Variants in PTPRJ observed in about 807,000 individuals in gnomAD.
PTPRJ encodes the protein receptor-type tyrosine-protein phosphatase eta.
PTPRJ carries 129 observed loss-of-function variants against 141.3 expected under a neutral mutation model. The observed-to-expected ratio is 0.91, with a 90% CI of 0.79 to 1.06. PTPRJ has a LOEUF of 1.06. PTPRJ is among the 50% of genes least tolerant of loss of function. The pLI is 0.00. For synonymous variants in PTPRJ, 610 were observed against 640.5 expected (o/e 0.95, Z 0.72); for missense variants, 1,601 against 1,679.7 (o/e 0.95, Z 0.82).
chr11:48,017,854 G>A (rs909814550), intron 1 of PTPRJ, among the ~76,000 whole-genome samples: 1 of 152,192 alleles, frequency 6.6e-6, no homozygotes, highest in Non-Finnish European at 1.5e-5. Flanking sequence ...AGTGACACCA[G>A]TATTAGTCTC....
In PTPRJ at chr11:48,000,112, G is replaced by T. The variant is rs144338341; in HGVS notation, c.96+19104G>T. Among the ~76,000 whole-genome samples, 1,141 of 149,504 alleles carry T rather than the reference G, an allele frequency of 7.6e-3. 16 individuals are homozygous for T. The highest frequency in any genetic ancestry group is 0.026 in the African/African-American group (1,063 of 40,472). On this transcript the variant is annotated intron_variant, in intron 1 of 24. Transcript: ENST00000418331. ...CACCTCAGCTGATCTGCCTGCCTTG[G>T]CCTCCCAAAGTGCTGGTATGCCTGG...
At chr11:48,015,081 C>T (rs943859002) in intron 1 of PTPRJ, among the ~76,000 whole-genome samples, 1 of 151,862 alleles carries the variant, frequency 6.6e-6, no homozygotes, top group Non-Finnish European at 1.5e-5. Context: ...GCTGCATTGT[C>T]GTTTTTGGAT....
At chr11:48,135,116 C>T (rs1857062111) in intron 8 of PTPRJ, among the ~76,000 whole-genome samples, 2 of 151,602 alleles carry the variant, frequency 1.3e-5, no homozygotes, top group African/African-American at 4.8e-5. Flanking sequence ...TTGTTACCAG[C>T]ACCCATATAA....
At chr11:48,064,733 A>G (rs1231468686) in intron 1 of PTPRJ, among the ~76,000 whole-genome samples, 1 of 151,836 alleles carries the variant, frequency 6.6e-6, no homozygotes, top group African/African-American at 2.4e-5. Flanking sequence ...CCTCCTGAGT[A>G]GCTGGGATTA....
At chr11:48,121,455 T>A (rs906353548) in intron 4 of PTPRJ, among the ~76,000 whole-genome samples, 189 bp downstream of exon 4, 1 of 152,260 alleles carries the variant, frequency 6.6e-6, no homozygotes, top group African/African-American at 2.4e-5. Context: ...AGGCCCTATG[T>A]GTTTTGGGAA....
chr11:48,036,790 AC>A (rs1854136307), intron 1 of PTPRJ, among the ~76,000 whole-genome samples: 1 of 152,130 alleles, frequency 6.6e-6, no homozygotes, highest in African/African-American at 2.4e-5. Flanking sequence ...TGTCTTTTTT[AC>A]CTATCAGAAT....
At chr11:48,036,114 C>T (rs1854118640) in intron 1 of PTPRJ, among the ~76,000 whole-genome samples, 1 of 152,216 alleles carries the variant, frequency 6.6e-6, no homozygotes, top group African/African-American at 2.4e-5. Flanking sequence ...AGAGGGGCCT[C>T]TTTAATTTAG....
intron 22 of PTPRJ, 79 bp downstream of exon 22, chr11:48,160,128 T>C: frequency 6.5e-7 from 1 of 1,539,562 alleles, no homozygotes; most frequent in South Asian, 1.1e-5. Context: ...TAGGTTGATA[T>C]TAACTAATAT....
intron 22 of PTPRJ, among the ~76,000 whole-genome samples, chr11:48,162,791 A>G (rs1857819780): frequency 6.6e-6 from 1 of 152,126 alleles, no homozygotes; most frequent in Admixed American, 6.5e-5. Context: ...TTCAAGGTAT[A>G]TGCTTTGGTA....
rs1857863718 is a variant in PTPRJ at position 48,164,480 on chromosome 11, C to T, written c.3820C>T (p.Leu1274Phe). ...TVDVYGIVYDLRMHRPLMVQT... is the reference protein window; with the variant it reads ...TVDVYGIVYDFRMHRPLMVQT... ...GGATGTGTATGGGATTGTGTATGAC[C>T]TTCGAATGCATAGGCCTTTAATGGT... The change falls in exon 24 of 25, where the codon CTT (leucine) becomes TTT (phenylalanine). Residue 1274 changes from leucine to phenylalanine, a missense_variant. Physicochemically the swap from Leu to Phe is conservative, Grantham distance 22 (BLOSUM62 0). Coordinates refer to ENST00000418331, the MANE Select transcript of PTPRJ (RefSeq NM_002843.4). The T allele has an allele frequency of 4.3e-6, 7 of 1,613,412 alleles. No individual in the cohort carries two copies. Among genetic ancestry groups the T allele is most frequent in the East Asian group, 2.2e-5 (1 of 44,872 alleles).
chr11:47,998,744 CAT>C (rs2134187493), intron 1 of PTPRJ, among the ~76,000 whole-genome samples: 1 of 152,332 alleles, frequency 6.6e-6, no homozygotes, highest in Non-Finnish European at 1.5e-5. Context: ...TACCAGTGAT[CAT>C]AAAGGATGCC....
At chr11:48,099,597 A>C (rs1261203237) in intron 1 of PTPRJ, among the ~76,000 whole-genome samples, 1 of 151,920 alleles carries the variant, frequency 6.6e-6, no homozygotes, top group Non-Finnish European at 1.5e-5. Context: ...CTCTCTTCTG[A>C]TTGTGGGTAG....
At chr11:48,123,914 CT>C in intron 5 of PTPRJ, 44 bp downstream of exon 5, 2 of 1,551,268 alleles carry the variant, frequency 1.3e-6, no homozygotes, top group Non-Finnish European at 1.8e-6. Context: ...CTGGTTCTTA[CT>C]TTCAGTAACT....
Position 48,042,580 on chromosome 11 carries a change from A to G in PTPRJ, c.96+61572A>G, listed in dbSNP as rs924866318. On this transcript the variant is annotated intron_variant, in intron 1 of 24. Coordinates refer to ENST00000418331, the MANE Select transcript of PTPRJ (RefSeq NM_002843.4). The stretch of plus-strand genomic sequence containing the variant: ...ATTTACTAGAAATTGATGTTCTGCC[A>G]ATGATTGGAAATCCCTTCCTCCCCT... Among the ~76,000 whole-genome samples, 2 of 152,158 alleles carry G rather than the reference A, an allele frequency of 1.3e-5. 1 individual carries two copies. Among genetic ancestry groups the G allele is most frequent in the Admixed American group, 1.3e-4 (2 of 15,272 alleles).
intron 8 of PTPRJ, 55 bp downstream of exon 8, chr11:48,130,771 T>A: frequency 2.7e-6 from 4 of 1,472,126 alleles, no homozygotes; most frequent in Non-Finnish European, 3.6e-6. Flanking sequence ...GAAATCAGTA[T>A]AATTAATAAA....
In PTPRJ at chr11:48,164,451, C is replaced by G; in HGVS notation, c.3791C>G (p.Thr1264Ser). The G allele has an allele frequency of 6.2e-7, 1 of 1,613,958 alleles. No homozygotes were observed. The highest frequency in any genetic ancestry group is 8.5e-7 in the Non-Finnish European group (1 of 1,179,974). The change falls in exon 24 of 25, where the codon ACC becomes AGC. Residue 1264 changes from threonine (T) to serine (S), a missense_variant. Transcript: ENST00000418331. ...RLIYQIENEN[T>S]VDVYGIVYDL... ...ATCTACCAGATAGAGAATGAGAACACCGTGGATGTGTATGGGATTGTGTAT... is the reference window on the plus strand; with the variant it reads ...ATCTACCAGATAGAGAATGAGAACAGCGTGGATGTGTATGGGATTGTGTAT...
chr11:48,151,865 G>T lies in PTPRJ; in HGVS notation c.3138+1682G>T, dbSNP rs554194517. Among the ~76,000 whole-genome samples, 6 of 152,264 alleles carry T rather than the reference G, an allele frequency of 3.9e-5. No individual in the cohort carries two copies. In the South Asian group the frequency reaches 1.2e-3, roughly 32 times the overall value. On this transcript the variant is annotated intron_variant, in intron 18 of 24. Transcript: ENST00000418331. ...CTATCATTGATGGGCATTTCGGTTGGTTCCAAGTCTTTGCTATTGTGAATA... is the reference window on the plus strand; with the variant it reads ...CTATCATTGATGGGCATTTCGGTTGTTTCCAAGTCTTTGCTATTGTGAATA...
chr11:48,035,521 CT>C (rs1854098436), intron 1 of PTPRJ, among the ~76,000 whole-genome samples: 1 of 64,114 alleles, frequency 1.6e-5, no homozygotes, highest in Non-Finnish European at 3.8e-5. Flanking sequence ...TCTTTCTTTT[CT>C]TTTTTCTTTC....
At chr11:48,156,421 G>A (rs115157887) in intron 21 of PTPRJ, among the ~76,000 whole-genome samples, 139 of 152,088 alleles carry the variant, frequency 9.1e-4, no homozygotes, top group African/African-American at 3.2e-3. Context: ...TGCTGTTCAC[G>A]GTGTGGCTCT....
Sources: gnomAD v4.1 joint callset for allele counts (sites outside exome capture counted in the v4.1 genomes callset) on GRCh38, gnomAD v4.1.1 for gene constraint, MANE v1.5 for transcripts, NCBI Gene and HGNC (gene_info 2026-07-23, HGNC 2026-07-21) for gene names.